Variants in BCAS1 observed in about 807,000 individuals in gnomAD.
BCAS1 encodes the protein brain enriched myelin associated protein 1, also known as breast carcinoma-amplified sequence 1.
Under a neutral mutation model 65.4 loss-of-function variants are expected in BCAS1, and 46 were observed. The ratio of observed to expected loss-of-function variants is 0.70; its 90% confidence interval spans 0.55 to 0.90. The LOEUF is 0.90. Among genes scored for constraint, BCAS1 ranks in the 40% least tolerant of loss-of-function variants. The pLI is 0.00. For synonymous variants in BCAS1, 298 were observed against 293.5 expected (o/e 1.02, Z -0.16); for missense variants, 793 against 771.2 (o/e 1.03, Z -0.33).
intron 4 of BCAS1, 69 bp from the exon 5 acceptor site, chr20:53,996,119 C>T (rs911662381): frequency 2.0e-5 from 29 of 1,484,750 alleles, no homozygotes; most frequent in Non-Finnish European, 2.5e-5. Flanking sequence ...ACTTTTGCTT[C>T]ACACCCCTTT....
Position 53,991,549 on chromosome 20 carries a change from A to G in BCAS1, c.1062+963T>C, listed in dbSNP as rs1029994939. 3.3e-5 allele frequency among the ~76,000 whole-genome samples: 5 copies of G among 152,306 alleles called. 1 individual carries two copies. Among genetic ancestry groups the G allele is most frequent in the African/African-American group, 9.6e-5 (4 of 41,566 alleles). On this transcript the variant is annotated intron_variant, in intron 7 of 12. Coordinates refer to ENST00000688948, the MANE Select transcript of BCAS1 (RefSeq NM_001366298.2). ...TCAAGCATGCTAACCCAATTCAGGGATCCTTTAAACTGATGGTTTCAGACA... is the reference window on the plus strand; with the variant it reads ...TCAAGCATGCTAACCCAATTCAGGGGTCCTTTAAACTGATGGTTTCAGACA...
intron 3 of BCAS1, among the ~76,000 whole-genome samples, chr20:54,041,758 G>T (rs1039386967): frequency 6.6e-6 from 1 of 151,488 alleles, no homozygotes; most frequent in African/African-American, 2.4e-5. Flanking sequence ...AAATAGCTGG[G>T]CGTAGTGGCG....
chr20:53,986,152 A>G (rs561077976), intron 7 of BCAS1, among the ~76,000 whole-genome samples: 1 of 152,274 alleles, frequency 6.6e-6, no homozygotes, highest in East Asian at 1.9e-4. Context: ...TTGAAATGTT[A>G]TCCATTCGGT....
intron 8 of BCAS1, among the ~76,000 whole-genome samples, chr20:53,981,821 CGTGTGTGTGTGT>C (rs3831644): frequency 6.7e-6 from 1 of 150,160 alleles, no homozygotes; most frequent in Non-Finnish European, 1.5e-5. Flanking sequence ...CATGTGCGTG[CGTGTGTGTGTGT>C]GTGTGTGTGT....
intron 10 of BCAS1, among the ~76,000 whole-genome samples, chr20:53,962,262 T>C (rs1399572753): frequency 3.3e-5 from 5 of 152,236 alleles, no homozygotes; most frequent in African/African-American, 1.2e-4. Flanking sequence ...CTTACTAGAT[T>C]GAATGTAATT....
intron 9 of BCAS1, among the ~76,000 whole-genome samples, chr20:53,971,568 A>G (rs371820320): frequency 7.9e-5 from 12 of 152,266 alleles, no homozygotes; most frequent in African/African-American, 2.9e-4. Flanking sequence ...CTACTTGACA[A>G]ATAGCTCATT....
At chr20:54,009,418 A>C (rs565977074) in intron 4 of BCAS1, among the ~76,000 whole-genome samples, 1 of 152,308 alleles carries the variant, frequency 6.6e-6, no homozygotes, top group East Asian at 1.9e-4. Context: ...TCAGGTACAA[A>C]ACTGGATAGG....
intron 12 of BCAS1, among the ~76,000 whole-genome samples, chr20:53,952,426 T>TA (rs2089556961): frequency 6.6e-6 from 1 of 152,268 alleles, no homozygotes; most frequent in Admixed American, 6.5e-5. Flanking sequence ...TTGCAAGCAG[T>TA]AAAAAAATTT....
chr20:54,042,672 A>AT (rs1273943117), intron 3 of BCAS1, among the ~76,000 whole-genome samples: 1 of 152,054 alleles, frequency 6.6e-6, no homozygotes, highest in African/African-American at 2.4e-5. Context: ...TAGGGTGGGG[A>AT]TTTTTTCTCT....
chr20:54,020,705 G>A (rs764408589), intron 4 of BCAS1, among the ~76,000 whole-genome samples: 8 of 152,214 alleles, frequency 5.3e-5, no homozygotes, highest in Non-Finnish European at 8.8e-5. Context: ...GTCTCAATGT[G>A]TCGAAGTGGT....
At chr20:54,006,853 G>A (rs2091208116) in intron 4 of BCAS1, among the ~76,000 whole-genome samples, 1 of 152,226 alleles carries the variant, frequency 6.6e-6, no homozygotes, top group African/African-American at 2.4e-5. Context: ...GAGGCAGTGA[G>A]AGTACAGCTC....
chr20:54,029,779 G>A (rs1013588332), intron 3 of BCAS1, among the ~76,000 whole-genome samples: 2 of 152,196 alleles, frequency 1.3e-5, no homozygotes, highest in African/African-American at 4.8e-5. Context: ...AGTCAGAGAG[G>A]TCAGTACACC....
chr20:54,045,310 T>C (rs1353758626), intron 3 of BCAS1, among the ~76,000 whole-genome samples: 1 of 152,064 alleles, frequency 6.6e-6, no homozygotes, highest in East Asian at 1.9e-4. Context: ...ATTAGCATAA[T>C]GGCTGAATGA....
intron 12 of BCAS1, among the ~76,000 whole-genome samples, chr20:53,948,245 T>A (rs980554188): frequency 1.3e-5 from 2 of 152,160 alleles, no homozygotes; most frequent in Non-Finnish European, 2.9e-5. Flanking sequence ...TTAGGTTCCA[T>A]GAGCTTGATC....
chr20:53,991,054 C>T (rs866812384), intron 7 of BCAS1, among the ~76,000 whole-genome samples: 10 of 152,114 alleles, frequency 6.6e-5, no homozygotes, highest in Admixed American at 2.0e-4. Context: ...ATACTGCAGA[C>T]GTAAAATTTT....
chr20:53,995,830 C>T, intron 5 of BCAS1, 62 bp downstream of exon 5: 3 of 1,486,180 alleles, frequency 2.0e-6, no homozygotes, highest in South Asian at 1.4e-5. Flanking sequence ...GTGCATTATT[C>T]TTAGAATTAA....
In BCAS1 at chr20:54,028,880, T is replaced by G; in HGVS notation, c.235A>C (p.Asn79His). ...TCGGGTTTGGCCTCTTTCCCAAGAT[T>G]CTTTCCGTTGGCATCCGCAACAGCA... ...ISAVADANGK[N>H]LGKEAKPEAP... The change falls in exon 4 of 13, where the codon AAT becomes CAT. Residue 79 changes from asparagine (N) to histidine (H), a missense_variant. By Grantham distance (68) the Asn-to-His change is moderately conservative (BLOSUM62 1). Coordinates refer to ENST00000688948, the MANE Select transcript of BCAS1 (RefSeq NM_001366298.2). 1.9e-6 allele frequency: 3 copies of G among 1,613,916 alleles called. No individual in the cohort carries two copies. The Admixed American group carries it at 5.0e-5, about 27-fold the overall frequency.
Position 54,028,601 on chromosome 20 carries a change from G to A in BCAS1, c.514C>T (p.Leu172Phe). ...KVLSAARDPT[L>F]LPPETGGAGG... ...GCTCCCCCTGTCTCAGGTGGGAGAA[G>A]CGTGGGATCCCTGGCGGCAGAGAGG... Residue 172 changes from leucine (L) to phenylalanine (F), a missense_variant, in exon 4 of 13, where the codon CTT becomes TTT. By Grantham distance (22) the Leu-to-Phe change is conservative (BLOSUM62 0). Coordinates refer to ENST00000688948, the MANE Select transcript of BCAS1 (RefSeq NM_001366298.2). 1 of 1,614,214 alleles carries A rather than the reference G, an allele frequency of 6.2e-7. No homozygotes were observed. Among genetic ancestry groups the A allele is most frequent in the Non-Finnish European group, 8.5e-7 (1 of 1,180,034 alleles).
At chr20:54,069,203 A>G (rs2092483494) in intron 1 of BCAS1, among the ~76,000 whole-genome samples, 1 of 152,132 alleles carries the variant, frequency 6.6e-6, no homozygotes, top group South Asian at 2.1e-4. Context: ...TGATCAGCTC[A>G]GGATCCCCAG....
Sources: gnomAD v4.1 joint callset for allele counts (sites outside exome capture counted in the v4.1 genomes callset) on GRCh38, gnomAD v4.1.1 for gene constraint, MANE v1.5 for transcripts, NCBI Gene and HGNC (gene_info 2026-07-23, HGNC 2026-07-21) for gene names.